Variants in TRIP12 observed in about 807,000 individuals in gnomAD.
TRIP12 encodes the protein thyroid hormone receptor interactor 12, also known as E3 ubiquitin-protein ligase TRIP12.
Under a neutral mutation model 244.2 loss-of-function variants are expected in TRIP12, and 25 were observed. The ratio of observed to expected loss-of-function variants is 0.10; its 90% CI spans 0.07 to 0.14. The LOEUF is 0.14. Ranked by LOEUF, TRIP12 falls within the 10% of genes least tolerant of loss-of-function variation. TRIP12 has a pLI of 1.00. For missense variants in TRIP12, 1,677 were observed against 2,486.4 expected, an observed-to-expected ratio of 0.67 and a Z score of 6.92; for synonymous variants, 905 against 873.1, an observed-to-expected ratio of 1.04 and a Z score of -0.64.
At chr2:229,789,974 A>G (rs1300795402) in intron 30 of TRIP12, among the ~76,000 whole-genome samples, 1 of 152,184 alleles carries the variant, frequency 6.6e-6, no homozygotes. Flanking sequence ...TTTCCCTCCC[A>G]TACACAAATA....
At position 229,778,888 on chromosome 2, in the gene TRIP12, T is replaced by G; in HGVS notation, c.5197A>C (p.Ser1733Arg). The change falls in exon 35 of 42, where the codon AGC (serine) becomes CGC (arginine). Residue 1733 changes from serine to arginine, a missense_variant. This residue lies in a region of TRIP12 where 18 missense variants were observed against 16.8 expected (regional missense o/e 1.07). Coordinates refer to ENST00000675903, the MANE Select transcript of TRIP12 (RefSeq NM_001348323.3). The surrounding 1 kb of genome is among the most constrained non-coding windows in gnomAD (Gnocchi z 4.1). ...GLWRGEEVTL[S>R]NPKGSQEGTK... The stretch of plus-strand genomic sequence containing the variant: ...AGATAGGCATTACCTTTTGGATTGC[T>G]AAGAGTTACTTCTTCACCTCTCCAA... 1 of 1,613,888 alleles carries G rather than the reference T, an allele frequency of 6.2e-7. No individual in the cohort carries two copies. The highest frequency in any genetic ancestry group is 8.5e-7 in the Non-Finnish European group (1 of 1,179,792).
intron 21 of TRIP12, among the ~76,000 whole-genome samples, chr2:229,800,607 T>C (rs1372325389): frequency 6.6e-6 from 1 of 152,188 alleles, no homozygotes; most frequent in Admixed American, 6.5e-5. Context: ...AAAATTAACA[T>C]GAATTTTTCA....
chr2:229,839,062 G>A (rs999320355), intron 5 of TRIP12, among the ~76,000 whole-genome samples: 1 of 152,206 alleles, frequency 6.6e-6, no homozygotes, highest in Non-Finnish European at 1.5e-5. Context: ...ACAGTCATGT[G>A]CTGCATAATG....
At chr2:229,807,141 C>T (rs1350515080) in intron 17 of TRIP12, among the ~76,000 whole-genome samples, 11 of 152,178 alleles carry the variant, frequency 7.2e-5, no homozygotes. Flanking sequence ...CATATGTTCA[C>T]TTATTTTGCT....
intron 41 of TRIP12, 101 bp from the exon 42 acceptor site, chr2:229,767,851 T>C: frequency 8.5e-7 from 1 of 1,179,292 alleles, no homozygotes; most frequent in East Asian, 2.6e-5. Context: ...ACACACAAGA[T>C]ATTCTTTCTT....
At chr2:229,794,145 C>T (rs925870196) in intron 26 of TRIP12, among the ~76,000 whole-genome samples, 2 of 152,152 alleles carry the variant, frequency 1.3e-5, no homozygotes, top group African/African-American at 4.8e-5. Context: ...GAATACCACA[C>T]ACTACATTAA....
At chr2:229,841,856 A>G (rs1318483569) in intron 4 of TRIP12, among the ~76,000 whole-genome samples, 1 of 152,156 alleles carries the variant, frequency 6.6e-6, no homozygotes, top group Non-Finnish European at 1.5e-5. Flanking sequence ...ACAATTCTTT[A>G]CTCCTTTGTG....
intron 34 of TRIP12, among the ~76,000 whole-genome samples, chr2:229,783,047 G>A (rs555535637): frequency 2.0e-5 from 3 of 152,300 alleles, no homozygotes; most frequent in South Asian, 4.1e-4. Flanking sequence ...TTTTATTCAC[G>A]GATGATATAA....
In TRIP12 at chr2:229,788,095, G is replaced by A. The variant is rs185120536; in HGVS notation, c.4839-434C>T. On this transcript the variant is annotated intron_variant, in intron 32 of 41. Transcript: ENST00000675903. ...TGGGATTATAGATGTGAGCCACCACGTCCAGCCAGGTCAATTAATTTTTAA... is the reference window on the plus strand; with the variant it reads ...TGGGATTATAGATGTGAGCCACCACATCCAGCCAGGTCAATTAATTTTTAA... Among the ~76,000 whole-genome samples, 18 of 152,260 alleles carry A rather than the reference G, an allele frequency of 1.2e-4. No homozygotes were observed. In the East Asian group the frequency reaches 1.7e-3, roughly 15 times the overall value.
At chr2:229,837,760 A>G (rs1285216863) in intron 5 of TRIP12, among the ~76,000 whole-genome samples, 1 of 152,206 alleles carries the variant, frequency 6.6e-6, no homozygotes, top group Non-Finnish European at 1.5e-5. Flanking sequence ...AATAATGAAT[A>G]ACTCCATTCT....
At chr2:229,826,211 C>T (rs940115020) in intron 8 of TRIP12, among the ~76,000 whole-genome samples, 2 of 152,110 alleles carry the variant, frequency 1.3e-5, no homozygotes, top group Non-Finnish European at 2.9e-5. Context: ...TTCTAAAATA[C>T]TACCATTTTG....
At chr2:229,880,564 C>CT (rs1383541027) in intron 1 of TRIP12, among the ~76,000 whole-genome samples, 2 of 152,214 alleles carry the variant, frequency 1.3e-5, no homozygotes, top group African/African-American at 4.8e-5. Flanking sequence ...GCCTCTAAGC[C>CT]TAGGATTCCT....
intron 13 of TRIP12, 67 bp from the exon 14 acceptor site, chr2:229,811,271 CT>C: frequency 6.8e-7 from 1 of 1,465,980 alleles, no homozygotes; most frequent in Non-Finnish European, 9.3e-7. Flanking sequence ...TGTATCACTA[CT>C]TTATCTTCCT....
rs531771286 is a variant in TRIP12, at chr2:229,786,743, GTTTGC to G, written c.4995+757_4995+761del. Among the ~76,000 whole-genome samples, 14 of 151,848 alleles carry G rather than the reference GTTTGC, an allele frequency of 9.2e-5. No individual in the cohort carries two copies. The South Asian group carries it at 2.9e-3, about 32-fold the overall frequency. On this transcript the variant is annotated intron_variant, in intron 33 of 41. Transcript: ENST00000675903. ...CCAAGAAGATTTTTTTAACTACAAT[GTTTGC>G]TTTATGTTTTGTTTTGCTTTTCAGT...
At chr2:229,840,561 G>A (rs938054248) in intron 5 of TRIP12, among the ~76,000 whole-genome samples, 5 of 152,024 alleles carry the variant, frequency 3.3e-5, no homozygotes, top group African/African-American at 4.8e-5. Flanking sequence ...AATTAGCTGG[G>A]TGGGGTGGCA....
At chr2:229,860,944 A>C (rs2060380857) in intron 2 of TRIP12, among the ~76,000 whole-genome samples, 1 of 152,206 alleles carries the variant, frequency 6.6e-6, no homozygotes. Flanking sequence ...CGGAAAAGAC[A>C]ATTGATGATT....
At chr2:229,829,648 G>C (rs539068398) in intron 7 of TRIP12, among the ~76,000 whole-genome samples, 1 of 152,178 alleles carries the variant, frequency 6.6e-6, no homozygotes, top group African/African-American at 2.4e-5. Flanking sequence ...GTTCCAAAAA[G>C]TGAAAACAAA....
At chr2:229,819,406 G>A (rs1361995871) in intron 8 of TRIP12, among the ~76,000 whole-genome samples, 3 of 152,112 alleles carry the variant, frequency 2.0e-5, no homozygotes, top group Non-Finnish European at 4.4e-5. Flanking sequence ...TTAGCCGAGC[G>A]CAGTGGTGTG....
chr2:229,859,260 C>A lies in TRIP12; in HGVS notation c.539G>T (p.Ser180Ile). The change falls in exon 4 of 42, where the codon AGT (serine) becomes ATT (isoleucine). Residue 180 changes from serine (S) to isoleucine (I), a missense_variant. Physicochemically the swap from Ser to Ile is moderately radical, Grantham distance 142 (BLOSUM62 -2). Around this residue, in one of 11 missense-constraint regions of TRIP12, gnomAD observed 387 missense variants for 392.6 expected, o/e 0.99. Coordinates refer to ENST00000675903, the MANE Select transcript of TRIP12 (RefSeq NM_001348323.3). ...PSTSKAHTRKSGATGGSRSQK... is the reference protein window; with the variant it reads ...PSTSKAHTRKIGATGGSRSQK... ...ACTCCGTGAACCGCCAGTGGCCCCACTCTTCCTGGTATGAGCCTTGCTTGT... is the reference window on the plus strand; with the variant it reads ...ACTCCGTGAACCGCCAGTGGCCCCAATCTTCCTGGTATGAGCCTTGCTTGT... 2 of 1,614,240 alleles carry A rather than the reference C, an allele frequency of 1.2e-6. No individual in the cohort carries two copies. The highest frequency in any genetic ancestry group is 1.7e-6 in the Non-Finnish European group (2 of 1,180,046).
Sources: allele counts gnomAD v4.1 joint callset (sites outside exome capture counted in the v4.1 genomes callset), GRCh38; gene constraint gnomAD v4.1.1; regional missense constraint gnomAD v4.1.1; non-coding constraint Gnocchi (gnomAD v3.1); transcripts MANE v1.5; gene names NCBI Gene and HGNC (gene_info 2026-07-23, HGNC 2026-07-21).